ROR1: variants seen among roughly 807,000 people sequenced by gnomAD.
The protein encoded by ROR1 is ROR family WNT receptor 1, also known as inactive tyrosine-protein kinase transmembrane receptor ROR1.
ROR1 carries 19 observed loss-of-function variants against 78.8 expected under a neutral mutation model. The observed-to-expected ratio is 0.24, with a 90% CI of 0.17 to 0.35. The LOEUF is 0.35. ROR1 is among the 10% of genes least tolerant of loss of function. The pLI is 1.00. For missense variants in ROR1, 917 were observed against 1,177.8 expected (o/e 0.78, Z 3.24); for synonymous variants, 386 against 433.6 (o/e 0.89, Z 1.36).
intron 1 of ROR1, among the ~76,000 whole-genome samples, chr1:63,969,041 AGG>A (rs1186276578): frequency 6.6e-6 from 1 of 152,180 alleles, no homozygotes; most frequent in Non-Finnish European, 1.5e-5. Flanking sequence ...CTAAGCCTGC[AGG>A]GGGGTGTGGG....
At chr1:63,806,316 A>AATTTTTTTTTTTT (rs1553133293) in intron 1 of ROR1, among the ~76,000 whole-genome samples, 1 of 87,264 alleles carries the variant, frequency 1.1e-5, no homozygotes, top group Non-Finnish European at 2.5e-5. Flanking sequence ...CTGTCAGACT[A>AATTTTTTTTTTTT]TTTTTTTTTT....
At chr1:63,828,190 T>C (rs1207138222) in intron 1 of ROR1, among the ~76,000 whole-genome samples, 2 of 152,196 alleles carry the variant, frequency 1.3e-5, no homozygotes, top group Non-Finnish European at 2.9e-5. Flanking sequence ...TGGTTGATAC[T>C]GTGTAATGTG....
chr1:64,037,301 A>G (rs1167557251), intron 2 of ROR1, among the ~76,000 whole-genome samples: 2 of 152,196 alleles, frequency 1.3e-5, no homozygotes, highest in Non-Finnish European at 2.9e-5. Flanking sequence ...TGCATGAGAA[A>G]TATGAAAAAA....
chr1:63,786,956 TAAG>T (rs1644692102), intron 1 of ROR1, among the ~76,000 whole-genome samples: 1 of 152,172 alleles, frequency 6.6e-6, no homozygotes, highest in South Asian at 2.1e-4. Context: ...TCCTCTCCAG[TAAG>T]AAGTTTACTG....
chr1:64,032,367 A>G (rs1646668820), intron 2 of ROR1, among the ~76,000 whole-genome samples: 2 of 151,824 alleles, frequency 1.3e-5, no homozygotes, highest in African/African-American at 2.4e-5. Flanking sequence ...AAAAAAATGC[A>G]AAAAGCAAAA....
intron 1 of ROR1, among the ~76,000 whole-genome samples, chr1:63,835,183 G>A (rs1012241348): frequency 6.6e-5 from 10 of 152,112 alleles, no homozygotes; most frequent in Admixed American, 1.3e-4. Context: ...TATCAGCTTT[G>A]TGATTTTGGG....
chr1:64,077,966 T>C (rs1320458535), intron 4 of ROR1, among the ~76,000 whole-genome samples: 1 of 152,234 alleles, frequency 6.6e-6, no homozygotes, highest in African/African-American at 2.4e-5. Flanking sequence ...GAAAAGATGA[T>C]GTCCCTGCCC....
At chr1:63,790,809 G>C (rs1027881408) in intron 1 of ROR1, among the ~76,000 whole-genome samples, 2 of 152,104 alleles carry the variant, frequency 1.3e-5, no homozygotes, top group Admixed American at 6.5e-5. Flanking sequence ...ATATCCCCTG[G>C]GGAGCTCTTC....
In ROR1 at chr1:63,774,570, C is replaced by T; in HGVS notation, c.91+62C>T. ...CCCTGACCCGTGGCCACCCTTCCGC[C>T]GTCCAGCCGGGCGCGGGACACGCAG... On this transcript the variant is annotated intron_variant, in intron 1 of 8. Transcript: ENST00000371079. The surrounding 1 kb of genome is among the most constrained non-coding windows in gnomAD (Gnocchi z 5.7). 2.2e-6 allele frequency: 2 copies of T among 905,586 alleles called. No homozygotes were observed. The highest frequency in any genetic ancestry group is 2.7e-6 in the Non-Finnish European group (2 of 743,074). The allele number at this position is 905,586 out of a possible 1,614,324, so 56.1% of individuals were successfully genotyped here.
At chr1:63,824,579 C>A (rs1569775079) in intron 1 of ROR1, among the ~76,000 whole-genome samples, 2 of 152,214 alleles carry the variant, frequency 1.3e-5, no homozygotes, top group Admixed American at 1.3e-4. Flanking sequence ...AGGAGCTAAT[C>A]TGGTTTTGCA....
At chr1:63,942,750 TCCTAC>T (rs1048066519) in intron 1 of ROR1, among the ~76,000 whole-genome samples, 1 of 152,128 alleles carries the variant, frequency 6.6e-6, no homozygotes. Context: ...ATATTCTACC[TCCTAC>T]TCTTCCCCAC....
chr1:64,144,393 A>G (rs1282231832), intron 7 of ROR1, among the ~76,000 whole-genome samples: 2 of 152,222 alleles, frequency 1.3e-5, no homozygotes, highest in Non-Finnish European at 2.9e-5. Flanking sequence ...ATGGCATGTA[A>G]GGCCATGACA....
At chr1:63,885,911 ACT>A (rs1411789327) in intron 1 of ROR1, among the ~76,000 whole-genome samples, 2 of 152,044 alleles carry the variant, frequency 1.3e-5, no homozygotes, top group African/African-American at 4.8e-5. Flanking sequence ...TTTATTTTGC[ACT>A]CTCTATTATT....
At chr1:63,795,563 C>T (rs1272824080) in intron 1 of ROR1, among the ~76,000 whole-genome samples, 2 of 152,042 alleles carry the variant, frequency 1.3e-5, no homozygotes, top group African/African-American at 4.8e-5. Context: ...GGAGTAAGCT[C>T]TCTTGAACTC....
intron 1 of ROR1, among the ~76,000 whole-genome samples, chr1:63,870,946 G>A (rs1459187438): frequency 6.6e-6 from 1 of 152,170 alleles, no homozygotes; most frequent in East Asian, 1.9e-4. Context: ...GCACTAGCTT[G>A]GTGGCCTTGG....
intron 1 of ROR1, among the ~76,000 whole-genome samples, chr1:63,960,936 C>G (rs999033882): frequency 6.6e-6 from 1 of 152,156 alleles, no homozygotes; most frequent in Non-Finnish European, 1.5e-5. Flanking sequence ...AATTAGGAAA[C>G]AGGAGAATTA....
chr1:64,175,004 G>GTT lies in ROR1; in HGVS notation c.1387-2412_1387-2411dup, dbSNP rs565910998. Among the ~76,000 whole-genome samples the GTT allele has an allele frequency of 4.3e-5, 6 of 138,920 alleles. No individual in the cohort carries two copies. The East Asian group carries it at 8.3e-4, about 19-fold the overall frequency. The allele number at this position is 138,920 out of a possible 152,430, so 91.1% of individuals were successfully genotyped here. On this transcript the variant is annotated intron_variant, in intron 8 of 8. Transcript: ENST00000371079. Reference sequence around the variant, plus strand: ...AGTAAGATGGGAAGATTCGCCTATTGTTTTTTTTTTTTTAAAAAAATAGTT... The same window carrying GTT: ...AGTAAGATGGGAAGATTCGCCTATTGTTTTTTTTTTTTTTTAAAAAAATAGTT...
intron 2 of ROR1, among the ~76,000 whole-genome samples, chr1:64,015,844 CT>C (rs1248629574): frequency 1.3e-5 from 2 of 152,116 alleles, no homozygotes; most frequent in African/African-American, 4.8e-5. Flanking sequence ...AGGTTGTCAC[CT>C]TGCCATTATC....
chr1:64,148,967 C>G (rs1243701949), intron 7 of ROR1, among the ~76,000 whole-genome samples: 1 of 152,110 alleles, frequency 6.6e-6, no homozygotes, highest in Admixed American at 6.6e-5. Context: ...CAAGCTAAAT[C>G]AGACCATGCC....
Sources: gnomAD v4.1 joint callset for allele counts (sites outside exome capture counted in the v4.1 genomes callset) on GRCh38, gnomAD v4.1.1 for gene constraint, Gnocchi (gnomAD v3.1) non-coding constraint, MANE v1.5 for transcripts, NCBI Gene and HGNC (gene_info 2026-07-23, HGNC 2026-07-21) for gene names.